The following MYOM1 variants were observed in gnomAD, a reference collection of about 807,000 sequenced individuals.
MYOM1 encodes myomesin-1.
MYOM1 carries 164 observed loss-of-function variants against 205.3 expected under a neutral mutation model. The observed-to-expected ratio is 0.80, with a 90% confidence interval of 0.70 to 0.91. The LOEUF (loss-of-function observed/expected upper bound fraction) is 0.91. Ranked by LOEUF, MYOM1 falls within the 40% of genes least tolerant of loss-of-function variation. MYOM1 has a pLI of 0.00. For synonymous variants in MYOM1, 772 were observed against 789.4 expected, an observed-to-expected ratio of 0.98 and a Z score of 0.37; for missense variants, 2,011 against 2,127.3, an observed-to-expected ratio of 0.95 and a Z score of 1.08.
chr18:3,169,125 G>A lies in MYOM1; in HGVS notation c.1175-144C>T, dbSNP rs9962246. On this transcript the variant is annotated intron_variant, in intron 8 of 37. Transcript: ENST00000356443. ...GATTTAACTGGGTCAAAATGAAACCGTACATAAGAAGTATTTAGAACATAT... is the reference window on the plus strand; with the variant it reads ...GATTTAACTGGGTCAAAATGAAACCATACATAAGAAGTATTTAGAACATAT... 0.24 allele frequency: 167,720 copies of A among 700,428 alleles called. 21,430 individuals are homozygous for A. The highest frequency in any genetic ancestry group is 0.31 in the East Asian group (11,351 of 36,118). The allele number at this position is 700,428 out of a possible 1,614,324, so 43.4% of individuals were successfully genotyped here.
intron 5 of MYOM1, among the ~76,000 whole-genome samples, chr18:3,176,424 G>A (rs2080642316): frequency 6.6e-6 from 1 of 152,026 alleles, no homozygotes; most frequent in African/African-American, 2.4e-5. Flanking sequence ...AAAAAAGCCA[G>A]TTACAAAACA....
At chr18:3,145,095 G>GGCA (rs1420617509) in intron 13 of MYOM1, among the ~76,000 whole-genome samples, 1 of 152,122 alleles carries the variant, frequency 6.6e-6, no homozygotes, top group Non-Finnish European at 1.5e-5. Context: ...GGTAACCTGA[G>GGCA]GTCAGGAGTT....
intron 2 of MYOM1, among the ~76,000 whole-genome samples, chr18:3,203,978 A>G (rs919839150): frequency 6.6e-6 from 1 of 152,016 alleles, no homozygotes; most frequent in Non-Finnish European, 1.5e-5. Flanking sequence ...AGTGTAATAT[A>G]CCATATTAAT....
In MYOM1 at chr18:3,188,754, C is replaced by T. The variant is rs1256338291; in HGVS notation, c.765G>A (p.Arg255=). The T allele has an allele frequency of 6.3e-7, 1 of 1,576,212 alleles. No individual in the cohort carries two copies. Among genetic ancestry groups the T allele is most frequent in the Non-Finnish European group, 8.6e-7 (1 of 1,160,442 alleles). ...IREKAERLSL[R]KTLEETETYH... ...TTAAACTGTCTTTTCTTACTGTTTT[C>T]CTCAGGGACAGGCGTTCTGCCTTTT... The change falls in exon 4 of 38, where the codon AGG becomes AGA. Residue 255 remains arginine, a synonymous_variant. Transcript: ENST00000356443.
chr18:3,182,399 G>A (rs1446529533), intron 5 of MYOM1, among the ~76,000 whole-genome samples: 6 of 152,234 alleles, frequency 3.9e-5, no homozygotes, highest in East Asian at 1.9e-4. Flanking sequence ...AAACCTGCAC[G>A]TTGTGCACAT....
chr18:3,136,125 G>C (rs1271228502), intron 14 of MYOM1, among the ~76,000 whole-genome samples: 9 of 151,626 alleles, frequency 5.9e-5, no homozygotes, highest in South Asian at 2.1e-4. Context: ...CTCTCCTTCT[G>C]TCTTGCCTGC....
chr18:3,104,446 T>A (rs555859258), intron 22 of MYOM1, among the ~76,000 whole-genome samples: 5 of 152,364 alleles, frequency 3.3e-5, no homozygotes, highest in East Asian at 1.9e-4. Flanking sequence ...ATATGCTTGT[T>A]GTTTATTACA....
At chr18:3,155,183 A>G (rs900545560) in intron 10 of MYOM1, 95 bp from the exon 11 acceptor site, 8 of 1,260,148 alleles carry the variant, frequency 6.3e-6, no homozygotes, top group Admixed American at 5.9e-5. Flanking sequence ...ACATCATCAC[A>G]GTGGCTCAAT....
Position 3,189,937 on chromosome 18 carries a change from G to A in MYOM1, c.432-850C>T, listed in dbSNP as rs924725006. On this transcript the variant is annotated intron_variant, in intron 3 of 37. Transcript: ENST00000356443. This position sits in a 1 kb window ranked among gnomAD's most constrained non-coding sequence, Gnocchi z 4.8. ...GTTGTTACAGGTATGAATAAGTTCTGAATTTACATGAGGTTCCTTATGCCT... is the reference window on the plus strand; with the variant it reads ...GTTGTTACAGGTATGAATAAGTTCTAAATTTACATGAGGTTCCTTATGCCT... Among the ~76,000 whole-genome samples the A allele has an allele frequency of 1.3e-5, 2 of 152,116 alleles. No homozygotes were observed. Among genetic ancestry groups the A allele is most frequent in the African/African-American group, 4.8e-5 (2 of 41,410 alleles).
chr18:3,200,933 T>C (rs2081058185), intron 2 of MYOM1, among the ~76,000 whole-genome samples: 1 of 152,040 alleles, frequency 6.6e-6, no homozygotes, highest in Admixed American at 6.6e-5. Flanking sequence ...GACCTGGAAA[T>C]ATCGAAGTCA....
At chr18:3,190,383 A>G (rs1193052984) in intron 3 of MYOM1, 1 of 152,184 alleles carries the variant, frequency 6.6e-6, no homozygotes, top group African/African-American at 2.4e-5. Flanking sequence ...TGTGTTAGCA[A>G]GTTCCTAGCA....
At chr18:3,221,268 C>T (rs1402346862), upstream of MYOM1, among the ~76,000 whole-genome samples, 1 of 152,174 alleles carries the variant, frequency 6.6e-6, no homozygotes, top group East Asian at 1.9e-4. Context: ...AATCCACCTG[C>T]CTCAGTCTCA....
At chr18:3,077,708 A>G (rs1229679994) in intron 34 of MYOM1, among the ~76,000 whole-genome samples, 4 of 152,218 alleles carry the variant, frequency 2.6e-5, no homozygotes, top group Non-Finnish European at 5.9e-5. Context: ...GAGTAAAAAT[A>G]AAATTTAAAA....
At chr18:3,177,006 G>A (rs2080651157) in intron 5 of MYOM1, among the ~76,000 whole-genome samples, 2 of 152,126 alleles carry the variant, frequency 1.3e-5, no homozygotes, top group Non-Finnish European at 2.9e-5. Flanking sequence ...CAGCACTTTG[G>A]GAGGCTGAAG....
At chr18:3,096,510 G>A (rs188182043) in intron 25 of MYOM1, among the ~76,000 whole-genome samples, 7 of 148,734 alleles carry the variant, frequency 4.7e-5, no homozygotes, top group African/African-American at 1.7e-4. Flanking sequence ...GCATGATCTC[G>A]GCTCACTGCA....
chr18:3,194,028 G>A (rs2080958661), intron 2 of MYOM1, 70 bp from the exon 3 acceptor site: 1 of 1,509,946 alleles, frequency 6.6e-7, no homozygotes, highest in Admixed American at 2.1e-5. Flanking sequence ...TACGATAGAG[G>A]AAGTTTTAAC....
intron 12 of MYOM1, among the ~76,000 whole-genome samples, chr18:3,151,130 A>G (rs543553239): frequency 6.6e-5 from 10 of 151,702 alleles, no homozygotes; most frequent in African/African-American, 2.2e-4. Context: ...GGTGTGAGCC[A>G]CCACGCCAGG....
At chr18:3,220,593 TTCTC>T (rs2081320457), upstream of MYOM1, among the ~76,000 whole-genome samples, 1 of 152,206 alleles carries the variant, frequency 6.6e-6, no homozygotes, top group South Asian at 2.1e-4. Flanking sequence ...TAATAAGAGA[TTCTC>T]TTTCTTTGTT....
At chr18:3,108,145 C>T (rs1486186818) in intron 22 of MYOM1, among the ~76,000 whole-genome samples, 1 of 152,308 alleles carries the variant, frequency 6.6e-6, no homozygotes, top group East Asian at 1.9e-4. Flanking sequence ...CAAAGAACCT[C>T]TGAGCCTTCA....
Sources: allele counts gnomAD v4.1 joint callset (sites outside exome capture counted in the v4.1 genomes callset), GRCh38; gene constraint gnomAD v4.1.1; non-coding constraint Gnocchi (gnomAD v3.1); transcripts MANE v1.5; gene names NCBI Gene and HGNC (gene_info 2026-07-23, HGNC 2026-07-21).